The following SNX18 variants were observed in gnomAD, a reference collection of about 807,000 sequenced individuals.
The protein encoded by SNX18 is sorting nexin 18.
Under a neutral mutation model 48.7 loss-of-function variants are expected in SNX18, and 35 were observed. The ratio of observed to expected loss-of-function variants is 0.72; its 90% CI spans 0.55 to 0.95. The LOEUF (loss-of-function observed/expected upper bound fraction) is 0.95, where lower values mean the gene tolerates loss of function less well. Among genes scored for constraint, SNX18 ranks in the 40% least tolerant of loss-of-function variants. SNX18 has a pLI of 0.00. For synonymous variants in SNX18, 492 were observed against 384.7 expected (o/e 1.28, Z -3.26); for missense variants, 824 against 871.0 (o/e 0.95, Z 0.68).
chr5:54,529,292 C>G (rs1189609213), intron 1 of SNX18, among the ~76,000 whole-genome samples: 1 of 152,116 alleles, frequency 6.6e-6, no homozygotes, highest in Non-Finnish European at 1.5e-5. Context: ...TCTGGGTCAC[C>G]AATAGAGATG....
In SNX18 at chr5:54,517,859, C is replaced by T; in HGVS notation, c.-94C>T. The T allele has an allele frequency of 4.6e-6, 6 of 1,300,668 alleles. No homozygotes were observed. Among genetic ancestry groups the T allele is most frequent in the South Asian group, 1.9e-5 (1 of 52,394 alleles). The allele number at this position is 1,300,668 out of a possible 1,614,324, so 80.6% of individuals were successfully genotyped here. On this transcript the variant is annotated 5_prime_UTR_variant, in exon 1 of 2. Transcript: ENST00000381410. ...GTTTGCCGCCTTCGGGGCTCCAGTC[C>T]GCGCGCCAGGGCTCGAGCAGTACCG...
At position 54,518,811 on chromosome 5, in the gene SNX18, A is replaced by G; in HGVS notation, c.859A>G (p.Thr287Ala). 6.2e-7 allele frequency: 1 copy of G among 1,605,860 alleles called. No homozygotes were observed. The highest frequency in any genetic ancestry group is 8.5e-7 in the Non-Finnish European group (1 of 1,175,438). Residue 287 changes from threonine to alanine, a missense_variant, in exon 1 of 2, where the codon ACC (threonine) becomes GCC (alanine). Physicochemically the swap from Thr to Ala is moderately conservative, Grantham distance 58. Coordinates refer to ENST00000381410, the MANE Select transcript of SNX18 (RefSeq NM_001102575.2). Reference sequence around the variant, plus strand: ...CACCATCGACGACCCCACCAAGCAGACCAAGTTCAAGGGCATGAAGAGCTA... The same window carrying G: ...CACCATCGACGACCCCACCAAGCAGGCCAAGTTCAAGGGCATGAAGAGCTA... ...QCTIDDPTKQ[T>A]KFKGMKSYIS...
chr5:54,555,934 T>C, the SNX18 span, among the ~76,000 whole-genome samples: 1 of 152,208 alleles, frequency 6.6e-6, no homozygotes, highest in Non-Finnish European at 1.5e-5. Flanking sequence ...TTGCTATACA[T>C]TTATAAGCAG....
At chr5:54,554,572 G>A in the SNX18 span, among the ~76,000 whole-genome samples, 2 of 152,238 alleles carry the variant, frequency 1.3e-5, no homozygotes, top group South Asian at 2.1e-4. Flanking sequence ...TTCTCTGTTC[G>A]GTTACCAGAA....
the SNX18 span, among the ~76,000 whole-genome samples, chr5:54,630,388 C>A: frequency 6.6e-6 from 1 of 152,056 alleles, no homozygotes; most frequent in Admixed American, 6.6e-5. Flanking sequence ...GCAGGGAGAC[C>A]CCTTGGAGTA....
chr5:54,622,237 G>A, the SNX18 span, among the ~76,000 whole-genome samples: 4 of 152,334 alleles, frequency 2.6e-5, no homozygotes, highest in South Asian at 4.1e-4. Context: ...GGTGGCTCAC[G>A]CCAATAATCC....
intron 1 of SNX18, among the ~76,000 whole-genome samples, chr5:54,538,232 A>G (rs564653080): frequency 9.2e-5 from 14 of 152,236 alleles, no homozygotes; most frequent in Non-Finnish European, 1.8e-4. Flanking sequence ...ACTCACATCT[A>G]GCCAACACTT....
chr5:54,569,380 A>G, the SNX18 span, among the ~76,000 whole-genome samples: 1 of 152,156 alleles, frequency 6.6e-6, no homozygotes, highest in Non-Finnish European at 1.5e-5. Context: ...TCCATTATCT[A>G]TTGCCACACA....
the SNX18 span, among the ~76,000 whole-genome samples, chr5:54,630,796 C>T: frequency 6.9e-6 from 1 of 144,040 alleles, no homozygotes; most frequent in Admixed American, 7.2e-5. Context: ...ATCGCCACTG[C>T]ACTGCAGCCT....
chr5:54,602,953 T>C, the SNX18 span, among the ~76,000 whole-genome samples: 4 of 152,084 alleles, frequency 2.6e-5, no homozygotes, highest in African/African-American at 9.7e-5. Flanking sequence ...ACTCCTGGTG[T>C]GTATCGAGCC....
the SNX18 span, among the ~76,000 whole-genome samples, chr5:54,634,168 A>G: frequency 6.6e-6 from 1 of 152,116 alleles, no homozygotes; most frequent in Non-Finnish European, 1.5e-5. Flanking sequence ...CCCCATATAC[A>G]CACTTTTTCC....
At chr5:54,564,023 G>A in the SNX18 span, among the ~76,000 whole-genome samples, 1 of 152,148 alleles carries the variant, frequency 6.6e-6, no homozygotes, top group Non-Finnish European at 1.5e-5. Context: ...GCTCATGCCT[G>A]TAATCCCAGC....
the SNX18 span, among the ~76,000 whole-genome samples, chr5:54,613,322 C>T: frequency 6.6e-6 from 1 of 151,910 alleles, no homozygotes; most frequent in Non-Finnish European, 1.5e-5. Flanking sequence ...GGTTGAAGGG[C>T]TGGCATCTGG....
chr5:54,626,471 C>T, the SNX18 span, among the ~76,000 whole-genome samples: 466 of 152,244 alleles, frequency 3.1e-3, 3 homozygotes, highest in African/African-American at 0.011. Flanking sequence ...AATTTCAGTT[C>T]GCTTGTCCTA....
the SNX18 span, among the ~76,000 whole-genome samples, chr5:54,647,744 G>A: frequency 3.9e-5 from 6 of 152,146 alleles, no homozygotes; most frequent in Non-Finnish European, 7.3e-5. Flanking sequence ...GAAAACAGGG[G>A]AAGGCTAAGT....
At chr5:54,549,766 G>A (rs775050285), downstream of SNX18, among the ~76,000 whole-genome samples, 13 of 152,272 alleles carry the variant, frequency 8.5e-5, no homozygotes, top group Admixed American at 1.3e-4. Flanking sequence ...CTGTGTTCAC[G>A]TCCCAACCCT....
the SNX18 span, among the ~76,000 whole-genome samples, chr5:54,564,872 A>AAAAC: frequency 1.1e-4 from 16 of 152,194 alleles, no homozygotes; most frequent in East Asian, 3.9e-4. Flanking sequence ...CAAACAAACA[A>AAAAC]AAACAAACAA....
chr5:54,558,999 C>T, the SNX18 span, among the ~76,000 whole-genome samples: 1 of 151,626 alleles, frequency 6.6e-6, no homozygotes, highest in African/African-American at 2.4e-5. Flanking sequence ...AAAAAAATAC[C>T]TAGGAATACA....
the SNX18 span, among the ~76,000 whole-genome samples, chr5:54,592,854 G>A: frequency 6.6e-6 from 1 of 152,220 alleles, no homozygotes; most frequent in Non-Finnish European, 1.5e-5. Flanking sequence ...AGGCTGGAGT[G>A]CAGTGGAGCA....
Sources: gnomAD v4.1 joint callset for allele counts (sites outside exome capture counted in the v4.1 genomes callset) on GRCh38, gnomAD v4.1.1 for gene constraint, MANE v1.5 for transcripts, NCBI Gene and HGNC (gene_info 2026-07-23, HGNC 2026-07-21) for gene names.